The following PTK2B variants were observed in gnomAD, a reference collection of about 807,000 sequenced individuals.
The protein encoded by PTK2B is protein-tyrosine kinase 2-beta.
A neutral mutation model predicts 142.9 loss-of-function variants in PTK2B; 71 were observed. The observed-to-expected ratio is 0.50, with a 90% CI of 0.41 to 0.61. The LOEUF is 0.61. Among genes scored for constraint, PTK2B ranks in the 20% least tolerant of loss-of-function variants. The probability of loss-of-function intolerance (pLI) is 0.00; values close to 1 mark genes in which losing one functional copy is unlikely to be tolerated. For missense variants in PTK2B, 1,105 were observed against 1,320.4 expected (o/e 0.84, Z 2.53); for synonymous variants, 519 against 503.4 (o/e 1.03, Z -0.42).
chr8:27,423,767 G>C (rs1809906185), intron 5 of PTK2B, among the ~76,000 whole-genome samples: 1 of 152,086 alleles, frequency 6.6e-6, no homozygotes, highest in Non-Finnish European at 1.5e-5. Flanking sequence ...CCAGTAGGAT[G>C]GGAAAGGGAG....
At chr8:27,349,935 C>T (rs1563209651) in intron 1 of PTK2B, among the ~76,000 whole-genome samples, 1 of 152,222 alleles carries the variant, frequency 6.6e-6, no homozygotes, top group Non-Finnish European at 1.5e-5. Context: ...TGCAGCAATA[C>T]TTCCACTCTC....
At chr8:27,410,199 C>T (rs1369546159) in intron 2 of PTK2B, among the ~76,000 whole-genome samples, 9 of 152,226 alleles carry the variant, frequency 5.9e-5, no homozygotes, top group Non-Finnish European at 1.3e-4. Context: ...TCCTGGGAAG[C>T]AGACCTGGGT....
chr8:27,439,974 T>C (rs1327868035), intron 20 of PTK2B, among the ~76,000 whole-genome samples: 1 of 152,102 alleles, frequency 6.6e-6, no homozygotes, highest in Non-Finnish European at 1.5e-5. Flanking sequence ...GTGGTCCCAA[T>C]AGCATGCCAT....
chr8:27,328,547 C>T lies in PTK2B; in HGVS notation c.-38+2866C>T, dbSNP rs564177283. Among the ~76,000 whole-genome samples, 18 of 152,290 alleles carry T rather than the reference C, an allele frequency of 1.2e-4. 1 individual carries two copies. Among genetic ancestry groups the T allele is most frequent in the African/African-American group, 4.1e-4 (17 of 41,552 alleles). ...AATCTCCCCATCCCCCTGTGATAAA[C>T]ATTTTGTCCCCAGGCCCTTGGATTG... On this transcript the variant is annotated intron_variant, in intron 1 of 30. Transcript: ENST00000346049.
At chr8:27,396,834 G>A (rs939659301) in intron 1 of PTK2B, among the ~76,000 whole-genome samples, 3 of 152,202 alleles carry the variant, frequency 2.0e-5, no homozygotes, top group Non-Finnish European at 4.4e-5. Context: ...GGGTTTTCTA[G>A]AGTCCCAGCT....
chr8:27,341,119 T>C (rs1000269424), intron 1 of PTK2B, among the ~76,000 whole-genome samples: 1 of 152,172 alleles, frequency 6.6e-6, no homozygotes, highest in African/African-American at 2.4e-5. Flanking sequence ...GAAGGCGCTG[T>C]GGTGGAGGGA....
At chr8:27,401,750 C>T (rs1808399578) in intron 2 of PTK2B, among the ~76,000 whole-genome samples, 1 of 152,156 alleles carries the variant, frequency 6.6e-6, no homozygotes, top group African/African-American at 2.4e-5. Flanking sequence ...TTAAAGATCA[C>T]TTGGGTTACA....
chr8:27,362,839 A>G (rs556833394), intron 1 of PTK2B, among the ~76,000 whole-genome samples: 4 of 151,288 alleles, frequency 2.6e-5, no homozygotes, highest in African/African-American at 7.3e-5. Flanking sequence ...CTGCTCCCAC[A>G]CGAAATCTAG....
In PTK2B at chr8:27,439,367, C is replaced by T. The variant is rs746579197; in HGVS notation, c.1803C>T (p.Arg601=). The change falls in exon 20 of 31, where the codon CGC becomes CGT. Residue 601 remains arginine, a synonymous_variant. Coordinates refer to ENST00000346049, the MANE Select transcript of PTK2B (RefSeq NM_173176.3). ...WMSPESINFR[R]FTTASDVWMF... The stretch of plus-strand genomic sequence containing the variant: ...CCCCAGAGTCCATTAACTTCCGACG[C>T]TTCACGACAGCCAGTGACGTCTGGA... 2 of 1,614,086 alleles carry T rather than the reference C, an allele frequency of 1.2e-6. No individual in the cohort carries two copies. Among genetic ancestry groups the T allele is most frequent in the Non-Finnish European group, 8.5e-7 (1 of 1,179,934 alleles).
chr8:27,377,499 C>T (rs1294924485), intron 1 of PTK2B, among the ~76,000 whole-genome samples: 1 of 152,156 alleles, frequency 6.6e-6, no homozygotes, highest in Non-Finnish European at 1.5e-5. Flanking sequence ...GTGATAAGAA[C>T]TTTGCACACC....
rs1410762804 is a variant in PTK2B at position 27,419,954 on chromosome 8, G to A, written c.264G>A (p.Glu88=). 1 of 1,614,116 alleles carries A rather than the reference G, an allele frequency of 6.2e-7. No homozygotes were observed. The highest frequency in any genetic ancestry group is 8.5e-7 in the Non-Finnish European group (1 of 1,180,052). The change falls in exon 3 of 31, where the codon GAG becomes GAA. Residue 88 remains glutamate, a synonymous_variant. Coordinates refer to ENST00000346049, the MANE Select transcript of PTK2B (RefSeq NM_173176.3). ...GRIGPNIRLA[E]CYGLRLKHMK... The stretch of plus-strand genomic sequence containing the variant: ...TCGGGCCCAACATCCGGTTGGCTGA[G>A]TGCTATGGGCTGAGGCTGAAGCACA...
At chr8:27,337,817 G>A (rs1005716452) in intron 1 of PTK2B, among the ~76,000 whole-genome samples, 1 of 152,154 alleles carries the variant, frequency 6.6e-6, no homozygotes, top group Admixed American at 6.5e-5. Context: ...AAGTACTGCT[G>A]CTATAAACAT....
rs118052188 is a variant in PTK2B, at chr8:27,403,294, T to C, written c.204+5506T>C. 2.0e-3 allele frequency among the ~76,000 whole-genome samples: 299 copies of C among 152,330 alleles called. 2 individuals carry two copies. The East Asian group carries it at 0.028, about 14-fold the overall frequency. On this transcript the variant is annotated intron_variant, in intron 2 of 30. Coordinates refer to ENST00000346049, the MANE Select transcript of PTK2B (RefSeq NM_173176.3). ...GGAGTGTCTGATCAAATGGAAGCAG[T>C]CGCGAATCGCCCTGAACAGTCCACA...
At chr8:27,314,058 C>T (rs1803040664) in intron 3 of PTK2B, among the ~76,000 whole-genome samples, 1 of 152,178 alleles carries the variant, frequency 6.6e-6, no homozygotes, top group Admixed American at 6.5e-5. Flanking sequence ...CTACCTGTAA[C>T]ATACCTGGAA....
chr8:27,384,880 A>T (rs781091581), intron 1 of PTK2B, among the ~76,000 whole-genome samples: 5 of 152,170 alleles, frequency 3.3e-5, no homozygotes, highest in Non-Finnish European at 7.3e-5. Flanking sequence ...TCTAACAGCA[A>T]CGTTTTACCA....
intron 1 of PTK2B, among the ~76,000 whole-genome samples, chr8:27,325,967 G>A (rs1321617380): frequency 6.6e-6 from 1 of 152,136 alleles, no homozygotes; most frequent in African/African-American, 2.4e-5. Context: ...GGAGGCTGGG[G>A]GAGGCTAGGG....
At chr8:27,397,344 C>G in intron 1 of PTK2B, 1 of 541,788 alleles carries the variant, frequency 1.8e-6, no homozygotes, top group African/African-American at 1.9e-5. Flanking sequence ...GGGTTTCATA[C>G]CTGGATGCTT....
chr8:27,399,290 A>T (rs1213072852), intron 2 of PTK2B, among the ~76,000 whole-genome samples: 1 of 152,222 alleles, frequency 6.6e-6, no homozygotes, highest in Non-Finnish European at 1.5e-5. Flanking sequence ...CCTGAAAAAG[A>T]GGTAGGATTT....
chr8:27,315,382 C>T (rs1272924747), intron 3 of PTK2B, among the ~76,000 whole-genome samples: 1 of 152,104 alleles, frequency 6.6e-6, no homozygotes, highest in Non-Finnish European at 1.5e-5. Flanking sequence ...GTTGGGTCTC[C>T]AGCTATGGTT....
Sources: gnomAD v4.1 joint callset for allele counts (sites outside exome capture counted in the v4.1 genomes callset) on GRCh38, gnomAD v4.1.1 for gene constraint, MANE v1.5 for transcripts, NCBI Gene and HGNC (gene_info 2026-07-23, HGNC 2026-07-21) for gene names.